Variants in SCAMP1 observed in about 807,000 individuals in gnomAD.
The protein encoded by SCAMP1 is secretory carrier-associated membrane protein 1.
SCAMP1 carries 15 observed loss-of-function variants against 41.8 expected under a neutral mutation model. The observed-to-expected ratio is 0.36, with a 90% confidence interval of 0.24 to 0.55. The LOEUF is 0.55. Ranked by LOEUF, SCAMP1 falls within the 20% of genes least tolerant of loss-of-function variation. The pLI is 0.86. For missense variants in SCAMP1, 341 were observed against 412.6 expected, an observed-to-expected ratio of 0.83 and a Z score of 1.50; for synonymous variants, 135 against 136.8, an observed-to-expected ratio of 0.99 and a Z score of 0.09.
intron 8 of SCAMP1, among the ~76,000 whole-genome samples, chr5:78,460,786 T>TTCCTTCCTTTGGTTTCTTTTC (rs1753573467): frequency 2.2e-4 from 10 of 46,504 alleles, no homozygotes; most frequent in African/African-American, 1.4e-3. Context: ...CCTTCCTTCC[T>TTCCTTCCTTTGGTTTCTTTTC]TCCTTCCTTC....
In SCAMP1 at chr5:78,416,797, T is replaced by C. The variant is rs546997724; in HGVS notation, c.343+148T>C. 1.2e-4 allele frequency: 72 copies of C among 591,846 alleles called. 1 individual carries two copies. In the African/African-American group the frequency reaches 1.3e-3, roughly 11 times the overall value. 36.7% of individuals were successfully genotyped at this position (591,846 alleles called of 1,614,324 possible). A position where few individuals can be genotyped will look rare whatever the true frequency, so the allele number is the denominator to read the frequency against. On this transcript the variant is annotated intron_variant, in intron 4 of 8. Coordinates refer to ENST00000621999, the MANE Select transcript of SCAMP1 (RefSeq NM_004866.6). ...AGATCAGACACAGCAGATTGCCTGT[T>C]TGATACTCTGTAGCCTTCTAATCTT...
At chr5:78,431,927 G>A (rs1752634910) in intron 6 of SCAMP1, among the ~76,000 whole-genome samples, 1 of 151,896 alleles carries the variant, frequency 6.6e-6, no homozygotes, top group African/African-American at 2.4e-5. Flanking sequence ...ATGGAAAAAG[G>A]GGTAGTCATC....
intron 1 of SCAMP1, among the ~76,000 whole-genome samples, chr5:78,381,020 C>T (rs1351943299): frequency 6.6e-6 from 1 of 151,754 alleles, no homozygotes; most frequent in Non-Finnish European, 1.5e-5. Flanking sequence ...GAGCTGAGAT[C>T]GTGCTACGGC....
chr5:78,372,596 A>G (rs1277942683), intron 1 of SCAMP1, among the ~76,000 whole-genome samples: 1 of 152,170 alleles, frequency 6.6e-6, no homozygotes, highest in Admixed American at 6.5e-5. Context: ...AAGCAAGTGC[A>G]CAACTCTCCA....
chr5:78,469,926 AAAAAAAC>A (rs1753842076), intron 8 of SCAMP1, among the ~76,000 whole-genome samples: 3 of 20,334 alleles, frequency 1.5e-4, no homozygotes, highest in African/African-American at 9.1e-4. Flanking sequence ...AAAAAAAAAA[AAAAAAAC>A]AACAACACAG....
chr5:78,423,704 A>G (rs1206456029), intron 6 of SCAMP1, among the ~76,000 whole-genome samples: 2 of 151,938 alleles, frequency 1.3e-5, no homozygotes, highest in Non-Finnish European at 2.9e-5. Context: ...TGGCAGTTGA[A>G]ATAAAAATGC....
At chr5:78,462,227 G>C (rs139286166) in intron 8 of SCAMP1, among the ~76,000 whole-genome samples, 1 of 150,466 alleles carries the variant, frequency 6.6e-6, no homozygotes, top group Non-Finnish European at 1.5e-5. Flanking sequence ...GTGTGTGTGT[G>C]TCTATTGTAA....
rs1753072394 is a variant in SCAMP1 at position 78,447,200 on chromosome 5, C to G, written c.633-2733C>G. On this transcript the variant is annotated intron_variant, in intron 6 of 8. Transcript: ENST00000621999. ...AAAATTGTCTTCCACGAAACAGGTC[C>G]CTGGTGCCAAAAAGGTTGGGGACCA... 2.6e-5 allele frequency among the ~76,000 whole-genome samples: 4 copies of G among 152,300 alleles called. No individual in the cohort carries two copies. The South Asian group carries it at 8.3e-4, about 32-fold the overall frequency.
chr5:78,450,126 T>A (rs1448603959), intron 7 of SCAMP1, 92 bp downstream of exon 7: 1 of 685,512 alleles, frequency 1.5e-6, no homozygotes, highest in African/African-American at 1.9e-5. Context: ...ATAAACCAGA[T>A]TAGAAAAATT....
chr5:78,365,924 T>C (rs1299817517), intron 1 of SCAMP1, among the ~76,000 whole-genome samples: 1 of 152,202 alleles, frequency 6.6e-6, no homozygotes, highest in African/African-American at 2.4e-5. Context: ...TATTCATTTG[T>C]CTTAGTCTGT....
chr5:78,431,177 T>G (rs2112166884), intron 6 of SCAMP1, among the ~76,000 whole-genome samples: 1 of 151,976 alleles, frequency 6.6e-6, no homozygotes, highest in South Asian at 2.1e-4. Flanking sequence ...ATTTTAAAAC[T>G]CTAAAATTAA....
intron 8 of SCAMP1, among the ~76,000 whole-genome samples, chr5:78,462,233 T>TC (rs1165101327): frequency 1.1e-4 from 16 of 140,194 alleles, no homozygotes; most frequent in Non-Finnish European, 1.7e-4. Flanking sequence ...GTGTGTCTAT[T>TC]GTAAATGGGA....
intron 2 of SCAMP1, among the ~76,000 whole-genome samples, chr5:78,398,543 T>A (rs1751715950): frequency 1.3e-4 from 1 of 7,658 alleles, no homozygotes; most frequent in African/African-American, 5.6e-4. Context: ...GGTTCACTAT[T>A]TTTTTTTTTT....
chr5:78,456,803 C>G (rs976063340), intron 7 of SCAMP1, among the ~76,000 whole-genome samples: 10 of 124,950 alleles, frequency 8.0e-5, no homozygotes, highest in African/African-American at 1.7e-4. Flanking sequence ...TCCATTCTCC[C>G]CATCACTTTC....
chr5:78,439,185 C>T (rs1302012567), intron 6 of SCAMP1, among the ~76,000 whole-genome samples: 3 of 152,218 alleles, frequency 2.0e-5, no homozygotes, highest in Non-Finnish European at 2.9e-5. Flanking sequence ...CAGTCTGTGT[C>T]TTTCAACTGG....
intron 1 of SCAMP1, among the ~76,000 whole-genome samples, chr5:78,384,687 T>C (rs1751299280): frequency 9.9e-6 from 1 of 101,288 alleles, no homozygotes; most frequent in African/African-American, 3.0e-5. Flanking sequence ...TGTCAAATGC[T>C]TTTTTTTGTC....
chr5:78,461,533 G>A (rs1438380819), intron 8 of SCAMP1, among the ~76,000 whole-genome samples: 2 of 152,078 alleles, frequency 1.3e-5, no homozygotes, highest in East Asian at 3.9e-4. Context: ...GTCTGTTTTT[G>A]TACTGGTTAC....
At chr5:78,459,877 A>G (rs1023913505) in intron 8 of SCAMP1, among the ~76,000 whole-genome samples, 7 of 152,180 alleles carry the variant, frequency 4.6e-5, no homozygotes, top group Admixed American at 2.0e-4. Flanking sequence ...AATAGTGAAC[A>G]TAGTACCCGA....
Position 78,449,916 on chromosome 5 carries a change from CTT to C in SCAMP1, c.633-7_633-6del, listed in dbSNP as rs761645299. 154 of 1,087,428 alleles carry C rather than the reference CTT, an allele frequency of 1.4e-4. No homozygotes were observed. The highest frequency in any genetic ancestry group is 3.9e-4 in the South Asian group (21 of 53,328). The allele number at this position is 1,087,428 out of a possible 1,614,324, so 67.4% of individuals were successfully genotyped here. Reference sequence around the variant, plus strand: ...CCCTAACCCCCTTTTTTCTTTCTTTCTTTTTTTTTTTCAAAGGAGTGACAGTT... The same window carrying C: ...CCCTAACCCCCTTTTTTCTTTCTTTCTTTTTTTTTCAAAGGAGTGACAGTT... On this transcript the variant is annotated splice_polypyrimidine_tract_variant and intron_variant, in intron 6 of 8. Transcript: ENST00000621999.
Sources: allele counts gnomAD v4.1 joint callset (sites outside exome capture counted in the v4.1 genomes callset), GRCh38; gene constraint gnomAD v4.1.1; transcripts MANE v1.5; gene names NCBI Gene and HGNC (gene_info 2026-07-23, HGNC 2026-07-21).